Variants in CSMD3 observed in about 807,000 individuals in gnomAD.
CSMD3 encodes CUB and sushi domain-containing protein 3.
CSMD3 carries 177 observed loss-of-function variants against 435.2 expected under a neutral mutation model. That is an observed-to-expected ratio of 0.41 (90% CI 0.36 to 0.46). The LOEUF (loss-of-function observed/expected upper bound fraction) is 0.46. Among genes scored for constraint, CSMD3 ranks in the 20% least tolerant of loss-of-function variants. The pLI is 0.34. For synonymous variants in CSMD3, 1,656 were observed against 1,520.5 expected, an observed-to-expected ratio of 1.09 and a Z score of -2.07; for missense variants, 4,265 against 4,504.6, an observed-to-expected ratio of 0.95 and a Z score of 1.52.
intron 1 of CSMD3, among the ~76,000 whole-genome samples, chr8:113,398,078 A>G (rs982258166): frequency 9.2e-5 from 14 of 152,104 alleles, no homozygotes; most frequent in African/African-American, 3.4e-4. Context: ...AGCGTTAACC[A>G]TTGTTATCTA....
chr8:112,306,319 C>T, intron 50 of CSMD3, 127 bp from the exon 51 acceptor site: 1 of 711,916 alleles, frequency 1.4e-6, no homozygotes, highest in South Asian at 1.6e-5. Flanking sequence ...GAAACAATCT[C>T]AGAATCACAG....
chr8:113,373,086 A>G (rs2094357152), intron 1 of CSMD3, among the ~76,000 whole-genome samples: 1 of 152,208 alleles, frequency 6.6e-6, no homozygotes, highest in African/African-American at 2.4e-5. Flanking sequence ...TTAATCTTCA[A>G]CGGGATTAGC....
At chr8:112,594,925 C>T (rs1831548761) in intron 22 of CSMD3, among the ~76,000 whole-genome samples, 1 of 151,966 alleles carries the variant, frequency 6.6e-6, no homozygotes, top group East Asian at 1.9e-4. Flanking sequence ...AAAAACAGAA[C>T]AGAAAAACTG....
intron 32 of CSMD3, among the ~76,000 whole-genome samples, chr8:112,409,913 G>A (rs1382250030): frequency 1.3e-5 from 2 of 151,794 alleles, no homozygotes; most frequent in Non-Finnish European, 2.9e-5. Flanking sequence ...AAATTGTGGG[G>A]TTTAAAAGAG....
intron 13 of CSMD3, among the ~76,000 whole-genome samples, chr8:112,734,159 A>T (rs1255432216): frequency 6.6e-6 from 1 of 151,948 alleles, no homozygotes; most frequent in African/African-American, 2.4e-5. Context: ...GGCAGGGAGG[A>T]TTAAATGAAT....
intron 9 of CSMD3, among the ~76,000 whole-genome samples, chr8:112,932,224 T>C (rs1037270396): frequency 3.3e-5 from 5 of 152,194 alleles, no homozygotes; most frequent in Admixed American, 2.6e-4. Context: ...TGGACAAATG[T>C]AGTGTGTATA....
chr8:113,185,265 T>C (rs961135921), intron 3 of CSMD3, among the ~76,000 whole-genome samples: 4 of 152,020 alleles, frequency 2.6e-5, no homozygotes, highest in African/African-American at 7.2e-5. Flanking sequence ...TCACTTGTAG[T>C]TGCAGTCCTG....
rs1196448511 is a variant in CSMD3, at chr8:113,328,394, C to T, written c.179-13601G>A. Among the ~76,000 whole-genome samples the T allele has an allele frequency of 4.4e-3, 650 of 147,086 alleles. 7 individuals are homozygous for T. Among genetic ancestry groups the T allele is most frequent in the Non-Finnish European group, 7.5e-3 (502 of 66,912 alleles). ...CGGAGCTTGCAGTGAGCCGAGATCC[C>T]GCCACTGCACTCCAGCCTGGGCGAC... On this transcript the variant is annotated intron_variant, in intron 1 of 70. Coordinates refer to ENST00000297405, the MANE Select transcript of CSMD3 (RefSeq NM_198123.2).
chr8:113,343,783 G>A (rs547897833), intron 1 of CSMD3, among the ~76,000 whole-genome samples: 4 of 152,030 alleles, frequency 2.6e-5, no homozygotes, highest in Admixed American at 2.0e-4. Context: ...AAAAATAATT[G>A]CACTCAAGCC....
chr8:112,994,127 A>G (rs1000149497), intron 6 of CSMD3, among the ~76,000 whole-genome samples: 1 of 151,730 alleles, frequency 6.6e-6, no homozygotes. Flanking sequence ...AAATGGGTTG[A>G]CTCAATAGAC....
chr8:112,534,501 A>G (rs1825860216), intron 27 of CSMD3, among the ~76,000 whole-genome samples: 2 of 152,232 alleles, frequency 1.3e-5, no homozygotes, highest in South Asian at 4.1e-4. Context: ...ATCTCTGAAT[A>G]GACCAATTAC....
chr8:112,281,135 AT>A, intron 59 of CSMD3, 38 bp downstream of exon 59: 1 of 1,453,916 alleles, frequency 6.9e-7, no homozygotes, highest in Non-Finnish European at 9.6e-7. Context: ...CAATACTTTC[AT>A]ATAATTACTG....
At chr8:112,794,823 A>C (rs1587318490) in intron 13 of CSMD3, among the ~76,000 whole-genome samples, 1 of 152,232 alleles carries the variant, frequency 6.6e-6, no homozygotes, top group Admixed American at 6.5e-5. Flanking sequence ...GGTATGCTAT[A>C]TCTTTATTAT....
At chr8:112,775,152 C>A (rs1392995884) in intron 13 of CSMD3, among the ~76,000 whole-genome samples, 1 of 151,670 alleles carries the variant, frequency 6.6e-6, no homozygotes, top group Non-Finnish European at 1.5e-5. Context: ...AGGGCTTTCT[C>A]CAATGCACTA....
At chr8:113,029,975 C>T (rs1264049463) in intron 5 of CSMD3, among the ~76,000 whole-genome samples, 2 of 151,502 alleles carry the variant, frequency 1.3e-5, no homozygotes, top group African/African-American at 2.4e-5. Flanking sequence ...CTTCTACATG[C>T]TAACAGCAAC....
chr8:113,325,727 A>G (rs897043498), intron 1 of CSMD3, among the ~76,000 whole-genome samples: 4 of 152,180 alleles, frequency 2.6e-5, no homozygotes, highest in African/African-American at 4.8e-5. Context: ...GTGCCACAAG[A>G]GTTTGTTTAG....
intron 4 of CSMD3, among the ~76,000 whole-genome samples, chr8:113,153,101 A>AAAGAAAGACAGAAAG (rs35085690): frequency 1.0e-5 from 1 of 99,994 alleles, no homozygotes; most frequent in Non-Finnish European, 2.0e-5. Flanking sequence ...AGAAAGAAAG[A>AAAGAAAGACAGAAAG]AAAGAAAGAA....
intron 19 of CSMD3, among the ~76,000 whole-genome samples, chr8:112,646,540 C>A (rs73702368): frequency 0.015 from 2,303 of 152,140 alleles, 55 homozygotes; most frequent in African/African-American, 0.053. Context: ...GTAAGCTGTA[C>A]CTATATACAT....
In CSMD3 at chr8:112,543,122, G is replaced by A. The variant is rs190089585; in HGVS notation, c.4564+7549C>T. Among the ~76,000 whole-genome samples the A allele has an allele frequency of 1.6e-4, 24 of 152,076 alleles. No individual in the cohort carries two copies. In the East Asian group the frequency reaches 3.1e-3, roughly 20 times the overall value. On this transcript the variant is annotated intron_variant, in intron 27 of 70. Coordinates refer to ENST00000297405, the MANE Select transcript of CSMD3 (RefSeq NM_198123.2). ...CTCAAAATGGATTAAAAGCTTAAAC[G>A]CCAGACCTGAAACTGTAAAACTTCC...
Sources: gnomAD v4.1 joint callset for allele counts (sites outside exome capture counted in the v4.1 genomes callset) on GRCh38, gnomAD v4.1.1 for gene constraint, MANE v1.5 for transcripts, NCBI Gene and HGNC (gene_info 2026-07-23, HGNC 2026-07-21) for gene names.